ERLEC1: variants seen among roughly 807,000 people sequenced by gnomAD.
The protein encoded by ERLEC1 is ER lectin.
In ERLEC1, 47 loss-of-function variants were observed where a neutral mutation model predicts 68.0. The ratio of observed to expected loss-of-function variants is 0.69; its 90% CI spans 0.55 to 0.88. ERLEC1 has a LOEUF of 0.88. Among genes scored for constraint, ERLEC1 ranks in the 40% least tolerant of loss-of-function variants. The pLI is 0.00. For synonymous variants in ERLEC1, 225 were observed against 203.2 expected (o/e 1.11, Z -0.91); for missense variants, 567 against 583.8 (o/e 0.97, Z 0.30).
In ERLEC1 at chr2:53,801,834, A is replaced by G; in HGVS notation, c.871A>G (p.Asn291Asp). ...AATACTAAGGGTGCCTTTTAGGAGA[A>G]ATAAAGAGGTATGAGAATTGTCTAA... ...EEILRVPFRR[N>D]KEEDLQSTKE... Residue 291 changes from asparagine (N) to aspartate (D), a missense_variant, in exon 8 of 14, where the codon AAT (asparagine) becomes GAT (aspartate). Transcript: ENST00000185150. 1.2e-6 allele frequency: 2 copies of G among 1,613,404 alleles called. No individual in the cohort carries two copies. Among genetic ancestry groups the G allele is most frequent in the Non-Finnish European group, 1.7e-6 (2 of 1,179,620 alleles).
chr2:53,791,906 TAAAAAA>T (rs569591198), intron 1 of ERLEC1, among the ~76,000 whole-genome samples: 1,277 of 117,768 alleles, frequency 0.011, 18 homozygotes, highest in Non-Finnish European at 0.014. Flanking sequence ...AATGCTCTTT[TAAAAAA>T]AAAAAAAAAA....
Position 53,787,364 on chromosome 2 carries a change from TTC to T in ERLEC1, c.160_161del (p.Leu54AlafsTer8). 6.2e-7 allele frequency: 1 copy of T among 1,610,948 alleles called. No homozygotes were observed. Among genetic ancestry groups the T allele is most frequent in the Non-Finnish European group, 8.5e-7 (1 of 1,179,330 alleles). The part of the protein sequence containing the change: ...PFRVNWPGTE[F>X]SLPTTGVLYK... Reference sequence around the variant, plus strand: ...CCGAGTCAACTGGCCCGGCACCGAGTTCTCTCTGGTCAGTGCCCTCACTAACC... The same window carrying T: ...CCGAGTCAACTGGCCCGGCACCGAGTTCTCTGGTCAGTGCCCTCACTAACC... On this transcript the variant is annotated frameshift_variant, in exon 1 of 14. Coordinates refer to ENST00000185150, the MANE Select transcript of ERLEC1 (RefSeq NM_015701.5). LOFTEE classifies it high-confidence loss of function.
rs773341557 is a variant in ERLEC1, at chr2:53,817,986, G to C, written c.*17G>C. On this transcript the variant is annotated 3_prime_UTR_variant, in exon 14 of 14. Coordinates refer to ENST00000185150, the MANE Select transcript of ERLEC1 (RefSeq NM_015701.5). The stretch of plus-strand genomic sequence containing the variant: ...CCCAACTAAAGGATATTAAAGTTAG[G>C]GGAAAGAAAAGATCATTGAAAGTCA... 7.0e-7 allele frequency: 1 copy of C among 1,438,746 alleles called. No individual in the cohort carries two copies. The highest frequency in any genetic ancestry group is 1.7e-5 in the Admixed American group (1 of 59,742). The allele number at this position is 1,438,746 out of a possible 1,614,324, so 89.1% of individuals were successfully genotyped here.
At chr2:53,812,134 G>A (rs1036150250) in intron 10 of ERLEC1, among the ~76,000 whole-genome samples, 3 of 152,118 alleles carry the variant, frequency 2.0e-5, no homozygotes, top group Non-Finnish European at 2.9e-5. Context: ...GGCCGGTCTC[G>A]AACTCCCGAC....
At chr2:53,798,347 G>A (rs934505311) in intron 5 of ERLEC1, among the ~76,000 whole-genome samples, 1 of 151,228 alleles carries the variant, frequency 6.6e-6, no homozygotes, top group Admixed American at 6.6e-5. Flanking sequence ...TTGCAGCCTT[G>A]ACCTCCTGGG....
At chr2:53,800,775 A>G (rs1356491373) in intron 6 of ERLEC1, among the ~76,000 whole-genome samples, 1 of 152,118 alleles carries the variant, frequency 6.6e-6, no homozygotes, top group African/African-American at 2.4e-5. Context: ...ATTCCATGAA[A>G]AATTTTTAAT....
intron 11 of ERLEC1, among the ~76,000 whole-genome samples, chr2:53,814,188 A>C (rs939212399): frequency 1.3e-5 from 2 of 152,224 alleles, no homozygotes; most frequent in Non-Finnish European, 2.9e-5. Flanking sequence ...GGAGGACGGA[A>C]GCAAAGAACT....
intron 8 of ERLEC1, among the ~76,000 whole-genome samples, chr2:53,804,541 G>T (rs974143258): frequency 6.6e-6 from 1 of 152,114 alleles, no homozygotes; most frequent in Non-Finnish European, 1.5e-5. Context: ...CTTCCACAGT[G>T]CTGGGATTAC....
Position 53,808,195 on chromosome 2 carries a change from A to T in ERLEC1, c.880-104A>T. 2.4e-6 allele frequency: 3 copies of T among 1,260,152 alleles called. 1 individual carries two copies. Among genetic ancestry groups the T allele is most frequent in the Non-Finnish European group, 3.3e-6 (3 of 919,046 alleles). 78.1% of individuals were successfully genotyped at this position (1,260,152 alleles called of 1,614,324 possible). On this transcript the variant is annotated intron_variant, in intron 8 of 13. Coordinates refer to ENST00000185150, the MANE Select transcript of ERLEC1 (RefSeq NM_015701.5). ...TGTATTAAAAGCAAGTGGACAATTT[A>T]TTTTTCAAATTTTCTGCAGTTTAAA...
chr2:53,813,035 A>G lies in ERLEC1; in HGVS notation c.1188A>G (p.Arg396=). The G allele has an allele frequency of 6.2e-7, 1 of 1,613,236 alleles. No individual in the cohort carries two copies. The highest frequency in any genetic ancestry group is 8.5e-7 in the Non-Finnish European group (1 of 1,179,840). ...AATGGGCTAAGAAGAATACTGCTAG[A>G]GCTTATCATCTTCAAGACGATGGTA... is the stretch of plus-strand genomic sequence containing the variant. The part of the protein sequence containing the change: ...HIEWAKKNTA[R]AYHLQDDGTQ... The change falls in exon 11 of 14, where the codon AGA becomes AGG. Residue 396 remains arginine (R), a synonymous_variant. Transcript: ENST00000185150.
At chr2:53,788,385 G>A (rs1675194648) in intron 1 of ERLEC1, among the ~76,000 whole-genome samples, 1 of 151,974 alleles carries the variant, frequency 6.6e-6, no homozygotes, top group Admixed American at 6.6e-5. Flanking sequence ...GTTTGGTTTG[G>A]TTTGGTTTGG....
intron 5 of ERLEC1, among the ~76,000 whole-genome samples, chr2:53,798,654 A>G (rs929932601): frequency 2.0e-5 from 3 of 151,624 alleles, no homozygotes; most frequent in Non-Finnish European, 2.9e-5. Flanking sequence ...TTAGTGTTAT[A>G]TATAAGTGTT....
At chr2:53,803,029 C>G (rs1676084986) in intron 8 of ERLEC1, among the ~76,000 whole-genome samples, 1 of 152,180 alleles carries the variant, frequency 6.6e-6, no homozygotes, top group Non-Finnish European at 1.5e-5. Context: ...GCCAAAACTT[C>G]CAGTGGATTA....
At position 53,818,074 on chromosome 2, in the gene ERLEC1, G is replaced by T; in HGVS notation, c.*105G>T. ...CTCAGCCATTGGACCTCTTCTAAAG[G>T]ATGGTATAAAATGACTCTCAACCAC... On this transcript the variant is annotated 3_prime_UTR_variant, in exon 14 of 14. Coordinates refer to ENST00000185150, the MANE Select transcript of ERLEC1 (RefSeq NM_015701.5). The T allele has an allele frequency of 1.3e-6, 1 of 743,870 alleles. No individual in the cohort carries two copies. 46.1% of individuals were successfully genotyped at this position (743,870 alleles called of 1,614,324 possible).
intron 13 of ERLEC1, among the ~76,000 whole-genome samples, chr2:53,815,359 A>G (rs1465986056): frequency 2.6e-5 from 4 of 152,186 alleles, no homozygotes. Flanking sequence ...GTAGTCTCCA[A>G]GGCTTAATAT....
In ERLEC1 at chr2:53,787,089, T is replaced by A; in HGVS notation, c.-122T>A. 7.6e-7 allele frequency: 1 copy of A among 1,315,880 alleles called. No homozygotes were observed. 81.5% of individuals were successfully genotyped at this position (1,315,880 alleles called of 1,614,324 possible). On this transcript the variant is annotated 5_prime_UTR_variant, in exon 1 of 14. Transcript: ENST00000185150. The stretch of plus-strand genomic sequence containing the variant: ...CTCCGGAAGGAGACGTGGCGGCGGT[T>A]GGGCCGGTGATACCCGGGCGCTTTA...
chr2:53,814,792 G>C, intron 12 of ERLEC1, 68 bp from the exon 13 acceptor site: 1 of 1,240,494 alleles, frequency 8.1e-7, no homozygotes. Flanking sequence ...ATTTTTAAGA[G>C]TACAGTTATT....
chr2:53,811,716 G>C (rs1316527629), intron 10 of ERLEC1, among the ~76,000 whole-genome samples: 1 of 152,130 alleles, frequency 6.6e-6, no homozygotes, highest in Non-Finnish European at 1.5e-5. Flanking sequence ...GGTAGTAACT[G>C]GGGAAACTGG....
chr2:53,790,015 CAAAAA>C (rs751868369), intron 1 of ERLEC1, among the ~76,000 whole-genome samples: 104 of 85,960 alleles, frequency 1.2e-3, no homozygotes, highest in Non-Finnish European at 2.4e-3. Flanking sequence ...GAGTCTGTCT[CAAAAA>C]AAAAAAAAAA....
Sources: gnomAD v4.1 joint callset for allele counts (sites outside exome capture counted in the v4.1 genomes callset) on GRCh38, gnomAD v4.1.1 for gene constraint, MANE v1.5 for transcripts, NCBI Gene and HGNC (gene_info 2026-07-23, HGNC 2026-07-21) for gene names.